The following SGCZ variants were observed in gnomAD, a reference collection of about 807,000 sequenced individuals.
SGCZ encodes sarcoglycan zeta, also known as zeta-sarcoglycan.
A neutral mutation model predicts 41.3 loss-of-function variants in SGCZ; 40 were observed. The observed-to-expected ratio is 0.97, with a 90% confidence interval of 0.75 to 1.26. The LOEUF (loss-of-function observed/expected upper bound fraction) is 1.26, where lower values mean the gene tolerates loss of function less well. Among genes scored for constraint, SGCZ ranks in the 50% most tolerant of loss-of-function variants. The probability of loss-of-function intolerance (pLI) is 0.00; values close to 1 mark genes in which losing one functional copy is unlikely to be tolerated. For missense variants in SGCZ, 552 were observed against 369.8 expected (o/e 1.49, Z -4.04); for synonymous variants, 206 against 137.5 (o/e 1.50, Z -3.49).
intron 2 of SGCZ, among the ~76,000 whole-genome samples, chr8:14,367,705 T>C (rs145148170): frequency 2.0e-5 from 3 of 152,146 alleles, no homozygotes; most frequent in African/African-American, 7.2e-5. Context: ...ATTCACTCCC[T>C]ATCACGGGAA....
At chr8:15,222,409 C>T (rs543045497) in intron 1 of SGCZ, among the ~76,000 whole-genome samples, 36 of 152,088 alleles carry the variant, frequency 2.4e-4, no homozygotes, top group Non-Finnish European at 4.9e-4. Context: ...GGAGGCACTT[C>T]CAGTTTTTCT....
At chr8:14,800,703 T>G (rs1801294388) in intron 1 of SGCZ, among the ~76,000 whole-genome samples, 1 of 152,196 alleles carries the variant, frequency 6.6e-6, no homozygotes, top group Non-Finnish European at 1.5e-5. Context: ...CTGCCATGAT[T>G]GTAAGTTTCC....
chr8:14,551,812 AAC>A (rs1214926707), intron 2 of SGCZ, among the ~76,000 whole-genome samples: 2 of 136,252 alleles, frequency 1.5e-5, no homozygotes, highest in African/African-American at 6.9e-5. Context: ...AAAAATGAAA[AAC>A]ACAAATTATT....
intron 5 of SGCZ, among the ~76,000 whole-genome samples, chr8:14,121,580 C>T (rs946840885): frequency 1.3e-5 from 2 of 152,176 alleles, no homozygotes; most frequent in Non-Finnish European, 2.9e-5. Context: ...TAAAATCATA[C>T]ATGAAATAAT....
In SGCZ at chr8:14,974,195, G is replaced by A. The variant is rs148821174; in HGVS notation, c.39+263390C>T. Among the ~76,000 whole-genome samples, 1,242 of 152,182 alleles carry A rather than the reference G, an allele frequency of 8.2e-3. 26 individuals are homozygous for A. The highest frequency in any genetic ancestry group is 0.05 in the South Asian group (243 of 4,822). On this transcript the variant is annotated intron_variant, in intron 1 of 7. Coordinates refer to ENST00000382080, the MANE Select transcript of SGCZ (RefSeq NM_139167.4). ...AGTGTAGAAAAGGATACAATTAGTA[G>A]TATAAATTACACAACATATTTTATG...
chr8:14,501,000 T>G (rs1216147904), intron 2 of SGCZ, among the ~76,000 whole-genome samples: 1 of 140,244 alleles, frequency 7.1e-6, no homozygotes, highest in Non-Finnish European at 1.6e-5. Context: ...AACCACAAAT[T>G]TATTATCTTA....
intron 2 of SGCZ, among the ~76,000 whole-genome samples, chr8:14,431,547 GA>G (rs1342599495): frequency 6.6e-5 from 10 of 152,156 alleles, no homozygotes; most frequent in African/African-American, 2.4e-4. Context: ...ACTCAAGATG[GA>G]TCAAGAACTT....
In SGCZ at chr8:15,237,699, T is replaced by A; in HGVS notation, c.-76A>T. The A allele has an allele frequency of 1.3e-6, 2 of 1,511,168 alleles. No homozygotes were observed. The highest frequency in any genetic ancestry group is 9.0e-7 in the Non-Finnish European group (1 of 1,110,864). 93.6% of individuals were successfully genotyped at this position (1,511,168 alleles called of 1,614,324 possible). On this transcript the variant is annotated 5_prime_UTR_variant, in exon 1 of 8. It adds an upstream start codon to the 5' untranslated region. Coordinates refer to ENST00000382080, the MANE Select transcript of SGCZ (RefSeq NM_139167.4). ...ACAATCTAGTCTTTTAGTTTCCAGC[T>A]TAAACTCAGCTTTATCCTCCTCCAA...
chr8:14,133,685 C>T (rs1803109879), intron 5 of SGCZ, among the ~76,000 whole-genome samples: 1 of 152,002 alleles, frequency 6.6e-6, no homozygotes, highest in South Asian at 2.1e-4. Flanking sequence ...TCAGTGTTTA[C>T]TTGGTTGCTG....
chr8:14,854,569 TTTCA>T (rs1272089384), intron 1 of SGCZ, among the ~76,000 whole-genome samples: 1 of 152,190 alleles, frequency 6.6e-6, no homozygotes, highest in African/African-American at 2.4e-5. Context: ...AGCCAGTGGT[TTTCA>T]TTATTTTTCA....
At chr8:15,220,280 A>T (rs1375775782) in intron 1 of SGCZ, among the ~76,000 whole-genome samples, 2 of 152,200 alleles carry the variant, frequency 1.3e-5, no homozygotes, top group Non-Finnish European at 2.9e-5. Flanking sequence ...TATATACATC[A>T]GTTCCTTACT....
At chr8:14,203,784 T>G (rs1229714955) in intron 4 of SGCZ, among the ~76,000 whole-genome samples, 6 of 152,048 alleles carry the variant, frequency 3.9e-5, no homozygotes, top group Non-Finnish European at 7.3e-5. Context: ...ATGGGGAGAA[T>G]TAGAGGGCAC....
chr8:14,102,491 G>A lies in SGCZ; in HGVS notation c.629C>T (p.Ser210Leu), dbSNP rs1411999008. 7.0e-7 allele frequency: 1 copy of A among 1,421,064 alleles called. No individual in the cohort carries two copies. Among genetic ancestry groups the A allele is most frequent in the Non-Finnish European group, 9.3e-7 (1 of 1,071,470 alleles). The allele number at this position is 1,421,064 out of a possible 1,614,324, so 88.0% of individuals were successfully genotyped here. Residue 210 changes from serine to leucine, a missense_variant, in exon 7 of 8, where the codon TCA becomes TTA. Physicochemically the swap from Ser to Leu is moderately radical, Grantham distance 145. Transcript: ENST00000382080. ...AEPSQDLRLE[S>L]PTRSLIMEAP... is the part of the protein sequence containing the mutation. ...TTCCATGATCAAGGATCTGGTGGGTGATTCAAGCCTAAGGGAAAAACAAAA... is the reference window on the plus strand; with the variant it reads ...TTCCATGATCAAGGATCTGGTGGGTAATTCAAGCCTAAGGGAAAAACAAAA...
chr8:14,340,169 T>C (rs567686191), intron 2 of SGCZ, among the ~76,000 whole-genome samples: 46 of 152,258 alleles, frequency 3.0e-4, no homozygotes, highest in Non-Finnish European at 6.0e-4. Flanking sequence ...CAGTCTATGA[T>C]ATAATATCAT....
intron 1 of SGCZ, among the ~76,000 whole-genome samples, chr8:14,776,463 G>C (rs1374580811): frequency 6.6e-6 from 1 of 151,230 alleles, no homozygotes; most frequent in African/African-American, 2.4e-5. Flanking sequence ...ACCCAGTCTC[G>C]GATATGTCTT....
At chr8:14,348,474 A>G (rs2117097872) in intron 2 of SGCZ, among the ~76,000 whole-genome samples, 1 of 152,282 alleles carries the variant, frequency 6.6e-6, no homozygotes, top group Non-Finnish European at 1.5e-5. Flanking sequence ...ATTATGCAGT[A>G]TATTTGAGTC....
Position 14,090,401 on chromosome 8 carries a change from A to G in SGCZ, c.*42T>C. On this transcript the variant is annotated 3_prime_UTR_variant, in exon 8 of 8. Transcript: ENST00000382080. ...GAGCAGAACTGTGAAGCAGACGGAC[A>G]GGAACAAAAGGCTATTCTGGTGTGA... The G allele has an allele frequency of 6.3e-7, 1 of 1,583,930 alleles. No homozygotes were observed. Among genetic ancestry groups the G allele is most frequent in the South Asian group, 1.2e-5 (1 of 86,874 alleles).
chr8:15,122,242 C>A (rs184676599), intron 1 of SGCZ, among the ~76,000 whole-genome samples: 3 of 151,404 alleles, frequency 2.0e-5, no homozygotes, highest in African/African-American at 7.3e-5. Flanking sequence ...GTAGTGAAGT[C>A]AAGAAAGGCT....
chr8:14,503,565 C>T (rs1048222773), intron 2 of SGCZ, among the ~76,000 whole-genome samples: 2 of 152,002 alleles, frequency 1.3e-5, no homozygotes, highest in Non-Finnish European at 1.5e-5. Flanking sequence ...TTCAAGAGAT[C>T]GAGACTACCC....
Sources: gnomAD v4.1 joint callset for allele counts (sites outside exome capture counted in the v4.1 genomes callset) on GRCh38, gnomAD v4.1.1 for gene constraint, MANE v1.5 for transcripts, NCBI Gene and HGNC (gene_info 2026-07-23, HGNC 2026-07-21) for gene names.